FBXW7: variants seen among roughly 807,000 people sequenced by gnomAD.
FBXW7 encodes the protein F-box and WD repeat domain containing 7.
In FBXW7, 11 loss-of-function variants were observed where a neutral mutation model predicts 86.3. That is an observed-to-expected ratio of 0.13 (90% CI 0.08 to 0.21). FBXW7 has a LOEUF of 0.21. Among genes scored for constraint, FBXW7 ranks in the 10% least tolerant of loss-of-function variants. The pLI is 1.00. For missense variants in FBXW7, 488 were observed against 847.4 expected (o/e 0.58, Z 5.27); for synonymous variants, 313 against 297.9 (o/e 1.05, Z -0.52).
At chr4:152,419,494 A>AAC (rs57894523) in intron 2 of FBXW7, among the ~76,000 whole-genome samples, 4,047 of 123,316 alleles carry the variant, frequency 0.033, 149 homozygotes, top group African/African-American at 0.083. Context: ...GGATAAGGTA[A>AAC]ACACACACAC....
Position 152,337,953 on chromosome 4 carries a change from G to C in FBXW7, c.727-17C>G. 1.3e-6 allele frequency: 2 copies of C among 1,587,390 alleles called. No homozygotes were observed. Among genetic ancestry groups the C allele is most frequent in the Admixed American group, 1.9e-5 (1 of 52,336 alleles). On this transcript the variant is annotated splice_polypyrimidine_tract_variant and intron_variant, in intron 6 of 13. Transcript: ENST00000281708. ...ACTCCAGCTCTATCAAAGAGAATTA[G>C]AAATTTTTATTGTTTTAACAGATGT...
intron 5 of FBXW7, 64 bp from the exon 6 acceptor site, chr4:152,347,135 G>GATAGATACTT (rs1271034704): frequency 4.5e-6 from 6 of 1,344,620 alleles, no homozygotes; most frequent in Non-Finnish European, 6.2e-6. Flanking sequence ...TGAAAGCAAA[G>GATAGATACTT]ATAGATACTT....
rs1055434850 is a variant in FBXW7, at chr4:152,535,663, C to A, written c.-749G>T. The A allele has an allele frequency of 3.8e-5, 15 of 396,228 alleles. No homozygotes were observed. Among genetic ancestry groups the A allele is most frequent in the Non-Finnish European group, 6.2e-5 (14 of 224,516 alleles). 24.5% of individuals were successfully genotyped at this position (396,228 alleles called of 1,614,324 possible). On this transcript the variant is annotated 5_prime_UTR_variant, in exon 1 of 14. Transcript: ENST00000281708. ...CCCGCATGTGTCGCTGCGGCTGGGA[C>A]CCCCCTCCCTACACCTTGGGGGTCT... is the stretch of plus-strand genomic sequence containing the variant.
At chr4:152,347,116 A>C (rs2126637285) in intron 5 of FBXW7, 45 bp from the exon 6 acceptor site, 4 of 1,543,038 alleles carry the variant, frequency 2.6e-6, no homozygotes, top group Non-Finnish European at 3.5e-6. Flanking sequence ...AAAAGGAAAA[A>C]AACAAAAGTG....
At chr4:152,494,119 G>C (rs975058655) in intron 2 of FBXW7, among the ~76,000 whole-genome samples, 1 of 151,962 alleles carries the variant, frequency 6.6e-6, no homozygotes, top group African/African-American at 2.4e-5. Flanking sequence ...GAAGAATCAA[G>C]TGTAAAGAAA....
chr4:152,498,127 T>C (rs1047552291), intron 2 of FBXW7, among the ~76,000 whole-genome samples: 1 of 152,192 alleles, frequency 6.6e-6, no homozygotes, highest in African/African-American at 2.4e-5. Context: ...TGAGGTTAGA[T>C]ACACAGGTGT....
At chr4:152,382,277 C>A (rs763783421) in intron 4 of FBXW7, 2 of 1,603,308 alleles carry the variant, frequency 1.2e-6, no homozygotes, top group Non-Finnish European at 1.7e-6. Context: ...CTCTTTTGCA[C>A]TTTTAAGATC....
chr4:152,388,032 T>A (rs958938212), intron 4 of FBXW7, among the ~76,000 whole-genome samples: 2 of 149,546 alleles, frequency 1.3e-5, no homozygotes, highest in Non-Finnish European at 3.0e-5. Context: ...AGTTTTAGTA[T>A]TTTTTTTTTA....
intron 7 of FBXW7, among the ~76,000 whole-genome samples, chr4:152,336,893 A>C (rs1016383177): frequency 1.3e-5 from 2 of 151,924 alleles, no homozygotes; most frequent in Non-Finnish European, 2.9e-5. Context: ...TAAAAAAATG[A>C]CTTTTTTCTG....
chr4:152,481,862 T>C (rs752092735), intron 2 of FBXW7, among the ~76,000 whole-genome samples: 2 of 152,224 alleles, frequency 1.3e-5, no homozygotes, highest in Non-Finnish European at 2.9e-5. Context: ...AGAAAGTGAT[T>C]TCTTTAGATG....
chr4:152,482,886 T>A (rs1745007951), intron 2 of FBXW7, among the ~76,000 whole-genome samples: 1 of 152,186 alleles, frequency 6.6e-6, no homozygotes, highest in Non-Finnish European at 1.5e-5. Flanking sequence ...AAAATAATTT[T>A]AAGTTTACCA....
chr4:152,457,879 G>A (rs896200396), intron 2 of FBXW7, among the ~76,000 whole-genome samples: 2 of 151,558 alleles, frequency 1.3e-5, no homozygotes, highest in African/African-American at 4.8e-5. Context: ...AAGAAAAAGG[G>A]TAGTGGTACT....
At chr4:152,472,536 C>T (rs531502052) in intron 2 of FBXW7, among the ~76,000 whole-genome samples, 1 of 152,162 alleles carries the variant, frequency 6.6e-6, no homozygotes, top group African/African-American at 2.4e-5. Flanking sequence ...TTTGAAAAAA[C>T]TTATAAATCA....
At chr4:152,434,832 T>C (rs546248424) in intron 2 of FBXW7, among the ~76,000 whole-genome samples, 5 of 152,070 alleles carry the variant, frequency 3.3e-5, no homozygotes, top group African/African-American at 7.2e-5. Context: ...CTGATGTGTA[T>C]AGATAGAGGT....
At chr4:152,480,816 G>A (rs1386932089) in intron 2 of FBXW7, among the ~76,000 whole-genome samples, 1 of 152,166 alleles carries the variant, frequency 6.6e-6, no homozygotes, top group East Asian at 1.9e-4. Flanking sequence ...AAGGCTGAGA[G>A]AGGTGAAGAA....
rs1349794305 is a variant in FBXW7, at chr4:152,535,245, G to C, written c.-331C>G. On this transcript the variant is annotated 5_prime_UTR_variant, in exon 1 of 14. Coordinates refer to ENST00000281708, the MANE Select transcript of FBXW7 (RefSeq NM_001349798.2). ...ATTTTGTTTTTGTAAAGTTTCCTCT[G>C]GGTGGAGGCTGCGGCCGGCCCCCCG... 1 of 224,430 alleles carries C rather than the reference G, an allele frequency of 4.5e-6. No homozygotes were observed. The highest frequency in any genetic ancestry group is 8.7e-6 in the Non-Finnish European group (1 of 115,176). 13.9% of individuals were successfully genotyped at this position (224,430 alleles called of 1,614,324 possible). A position where few individuals can be genotyped will look rare whatever the true frequency, so the allele number is the denominator to read the frequency against.
intron 2 of FBXW7, among the ~76,000 whole-genome samples, chr4:152,481,380 C>A (rs1560951231): frequency 6.6e-6 from 1 of 152,216 alleles, no homozygotes; most frequent in Non-Finnish European, 1.5e-5. Flanking sequence ...TGCACCTGGT[C>A]ACCCAAGAGC....
intron 4 of FBXW7, among the ~76,000 whole-genome samples, chr4:152,384,942 C>T (rs1323462090): frequency 6.6e-6 from 1 of 152,018 alleles, no homozygotes; most frequent in South Asian, 2.1e-4. Flanking sequence ...AGCATCTCCT[C>T]AGATGTTCAC....
At chr4:152,479,041 G>A (rs1407335984) in intron 2 of FBXW7, among the ~76,000 whole-genome samples, 1 of 152,006 alleles carries the variant, frequency 6.6e-6, no homozygotes, top group African/African-American at 2.4e-5. Context: ...TCTAATAAAC[G>A]ATAAACAAGG....
Sources: allele counts gnomAD v4.1 joint callset (sites outside exome capture counted in the v4.1 genomes callset), GRCh38; gene constraint gnomAD v4.1.1; transcripts MANE v1.5; gene names NCBI Gene and HGNC (gene_info 2026-07-23, HGNC 2026-07-21).